ATP2A3: variants seen among roughly 807,000 people sequenced by gnomAD.
ATP2A3 encodes the protein ATPase sarcoplasmic/endoplasmic reticulum Ca2+ transporting 3.
A neutral mutation model predicts 106.8 loss-of-function variants in ATP2A3; 61 were observed. The observed-to-expected ratio is 0.57, with a 90% CI of 0.46 to 0.71. The LOEUF (loss-of-function observed/expected upper bound fraction) is 0.71, where lower values mean the gene tolerates loss of function less well. ATP2A3 is among the 30% of genes least tolerant of loss of function. The pLI, the probability that ATP2A3 is intolerant of heterozygous loss-of-function variation, is 0.00. For synonymous variants in ATP2A3, 611 were observed against 609.3 expected, an observed-to-expected ratio of 1.00 and a Z score of -0.04; for missense variants, 1,201 against 1,423.5, an observed-to-expected ratio of 0.84 and a Z score of 2.52.
In ATP2A3 at chr17:3,929,919, C is replaced by T. The variant is rs924903476; in HGVS notation, c.2744+382G>A. On this transcript the variant is annotated intron_variant, in intron 18 of 20. Coordinates refer to ENST00000397041, the MANE Select transcript of ATP2A3 (RefSeq NM_005173.4). This position sits in a 1 kb window ranked among gnomAD's most constrained non-coding sequence, Gnocchi z 4.3. ...ACCCTCTGATCCCAATCCTGAACCC[C>T]CCAAACATCAGACCCCAACCTGAAC... is the stretch of plus-strand genomic sequence containing the variant. 5.3e-5 allele frequency among the ~76,000 whole-genome samples: 8 copies of T among 151,568 alleles called. No individual in the cohort carries two copies. Among genetic ancestry groups the T allele is most frequent in the African/African-American group, 1.7e-4 (7 of 41,170 alleles).
In ATP2A3 at chr17:3,945,119, G is replaced by T; in HGVS notation, c.1125C>A (p.Gly375=). Residue 375 remains glycine (G), a synonymous_variant, in exon 9 of 21, where the codon GGC becomes GGA. Coordinates refer to ENST00000397041, the MANE Select transcript of ATP2A3 (RefSeq NM_005173.4). The part of the protein sequence containing the change: ...RMFVVAEADA[G]SCLLHEFTIS... ...TGGTGAACTCGTGCAAAAGGCAGGA[G>T]CCCGCATCGGCCTCGGCTACCACGA... 6.5e-7 allele frequency: 1 copy of T among 1,548,276 alleles called. No homozygotes were observed.
chr17:3,934,877 T>G (rs1279075830), intron 17 of ATP2A3: 3 of 362,692 alleles, frequency 8.3e-6, no homozygotes, highest in Non-Finnish European at 1.6e-5. Flanking sequence ...GTCCCACCAT[T>G]TAGGGGCTCA....
chr17:3,951,552 C>CCCCCCCCG, intron 4 of ATP2A3, 29 bp downstream of exon 4: 1 of 1,365,890 alleles, frequency 7.3e-7, no homozygotes, highest in Non-Finnish European at 1.0e-6. Context: ...GACCGCCCCC[C>CCCCCCCCG]GCCCGGTCCC....
chr17:3,958,473 A>T (rs932598462), intron 1 of ATP2A3, among the ~76,000 whole-genome samples: 7 of 152,014 alleles, frequency 4.6e-5, no homozygotes, highest in African/African-American at 1.7e-4. Flanking sequence ...CAGAATAAAG[A>T]CCAACTTTAG....
Position 3,944,892 on chromosome 17 carries a change from T to C in ATP2A3, c.1185-86A>G, listed in dbSNP as rs2054010830. The C allele has an allele frequency of 4.2e-6, 5 of 1,196,238 alleles. No homozygotes were observed. The South Asian group carries it at 5.4e-5, about 13-fold the overall frequency. 74.1% of individuals were successfully genotyped at this position (1,196,238 alleles called of 1,614,324 possible). On this transcript the variant is annotated intron_variant, in intron 9 of 20. Coordinates refer to ENST00000397041, the MANE Select transcript of ATP2A3 (RefSeq NM_005173.4). The stretch of plus-strand genomic sequence containing the variant: ...CTTGGCCCCGCCCCTAGGAGGGGGC[T>C]CCGCCTCTTGGCCCCGCCCCCAGAA...
In ATP2A3 at chr17:3,936,557, GCT is replaced by G; in HGVS notation, c.2322-90_2322-89del. The G allele has an allele frequency of 7.0e-7, 1 of 1,423,996 alleles. No individual in the cohort carries two copies. The highest frequency in any genetic ancestry group is 2.3e-5 in the East Asian group (1 of 43,428). 88.2% of individuals were successfully genotyped at this position (1,423,996 alleles called of 1,614,324 possible). A position where few individuals can be genotyped will look rare whatever the true frequency, so the allele number is the denominator to read the frequency against. On this transcript the variant is annotated intron_variant, in intron 15 of 20. Coordinates refer to ENST00000397041, the MANE Select transcript of ATP2A3 (RefSeq NM_005173.4). The surrounding 1 kb of genome is among the most constrained non-coding windows in gnomAD (Gnocchi z 5.4). ...CTCCTGCTCAGACCCAAGGCTGGGA[GCT>G]CACCCACCCACTGTCTCCACAGCAG...
chr17:3,949,753 TAGAACA>T (rs1597646031), intron 7 of ATP2A3, among the ~76,000 whole-genome samples: 1 of 152,218 alleles, frequency 6.6e-6, no homozygotes, highest in East Asian at 1.9e-4. Flanking sequence ...GTAAAGAGCT[TAGAACA>T]GTGCCAGGCA....
At position 3,937,440 on chromosome 17, in the gene ATP2A3, G is replaced by A; in HGVS notation, c.2297C>T (p.Ser766Phe). The change falls in exon 15 of 21, where the codon TCC (serine) becomes TTC (phenylalanine). Residue 766 changes from serine (S) to phenylalanine (F), a missense_variant. Ser to Phe is a radical substitution (Grantham distance 155, BLOSUM62 -2). This residue lies in a region of ATP2A3 where 935 missense variants were observed against 1,176.7 expected (regional missense o/e 0.79). Transcript: ENST00000397041. ...NMKQFIRYLISSNVGEVVCIF... is the reference protein window; with the variant it reads ...NMKQFIRYLIFSNVGEVVCIF... ...CCAGACGACCTCGCCAACATTGGAG[G>A]AGATGAGGTAGCGGATGAATTGCTT... 6.2e-7 allele frequency: 1 copy of A among 1,612,884 alleles called. No homozygotes were observed. The highest frequency in any genetic ancestry group is 8.5e-7 in the Non-Finnish European group (1 of 1,179,140).
Position 3,930,599 on chromosome 17 carries a change from G to A in ATP2A3, c.2611-165C>T. ...GATCCCGGGAGGGGTGCGGGGTCGG[G>A]GCGGCGGTGGGGAGAGCTGCACCGT... On this transcript the variant is annotated intron_variant, in intron 17 of 20. Transcript: ENST00000397041. This position sits in a 1 kb window ranked among gnomAD's most constrained non-coding sequence, Gnocchi z 5.4. 1 of 944,454 alleles carries A rather than the reference G, an allele frequency of 1.1e-6. No individual in the cohort carries two copies. Among genetic ancestry groups the A allele is most frequent in the South Asian group, 1.5e-5 (1 of 67,300 alleles). The allele number at this position is 944,454 out of a possible 1,614,324, so 58.5% of individuals were successfully genotyped here. A position where few individuals can be genotyped will look rare whatever the true frequency, so the allele number is the denominator to read the frequency against.
At chr17:3,944,476 C>A (rs1321210999) in intron 10 of ATP2A3, among the ~76,000 whole-genome samples, 2 of 152,188 alleles carry the variant, frequency 1.3e-5, no homozygotes, top group Non-Finnish European at 2.9e-5. Flanking sequence ...CCCTTCAGCC[C>A]CTTCCATGGC....
In ATP2A3 at chr17:3,924,986, C is replaced by A; in HGVS notation, c.*436G>T. ...GAGAGGTCAGAGCCGGTAAGAAGGA[C>A]CCCCAGAGTCCTCCGTCAGTGCAGA... On this transcript the variant is annotated 3_prime_UTR_variant, in exon 21 of 21. Transcript: ENST00000397041. This position sits in a 1 kb window ranked among gnomAD's most constrained non-coding sequence, Gnocchi z 6.4. 5.2e-6 allele frequency: 2 copies of A among 385,260 alleles called. No individual in the cohort carries two copies. The highest frequency in any genetic ancestry group is 1.3e-4 in the East Asian group (2 of 14,824). 23.9% of individuals were successfully genotyped at this position (385,260 alleles called of 1,614,324 possible). A position where few individuals can be genotyped will look rare whatever the true frequency, so the allele number is the denominator to read the frequency against.
rs1479703344 is a variant in ATP2A3 at position 3,944,790 on chromosome 17, G to C, written c.1201C>G (p.Pro401Ala). The part of the protein sequence containing the change: ...PEGEVRQGDQ[P>A]VRCGQFDGLV... ...CCGTCGAACTGGCCGCAGCGCACAGGCTGATCCCCCTGCCGCCTGCGGAGC... is the reference window on the plus strand; with the variant it reads ...CCGTCGAACTGGCCGCAGCGCACAGCCTGATCCCCCTGCCGCCTGCGGAGC... The change falls in exon 10 of 21, where the codon CCT becomes GCT. Residue 401 changes from proline (P) to alanine (A), a missense_variant. Pro to Ala is a conservative substitution (Grantham distance 27). Transcript: ENST00000397041. 6.2e-7 allele frequency: 1 copy of C among 1,611,468 alleles called. No individual in the cohort carries two copies. Among genetic ancestry groups the C allele is most frequent in the Non-Finnish European group, 8.5e-7 (1 of 1,179,066 alleles).
At chr17:3,933,974 A>G (rs973836354) in intron 17 of ATP2A3, among the ~76,000 whole-genome samples, 2 of 150,040 alleles carry the variant, frequency 1.3e-5, no homozygotes, top group Non-Finnish European at 2.9e-5. Context: ...CCCAGGCTCG[A>G]GTGCAGTGGT....
chr17:3,941,143 C>T lies in ATP2A3; in HGVS notation c.1928G>A (p.Gly643Glu). 1 of 1,614,134 alleles carries T rather than the reference C, an allele frequency of 6.2e-7. No homozygotes were observed. The highest frequency in any genetic ancestry group is 8.5e-7 in the Non-Finnish European group (1 of 1,180,000). ...CTTGCCCGCCACGTCTTCCGTGTCCCCAAAGATGCCAAGCCTGCGGCAGAT... is the reference window on the plus strand; with the variant it reads ...CTTGCCCGCCACGTCTTCCGTGTCCTCAAAGATGCCAAGCCTGCGGCAGAT... Reference protein sequence around the residue: ...VAICRRLGIFGDTEDVAGKAY... With the variant: ...VAICRRLGIFEDTEDVAGKAY... The change falls in exon 14 of 21, where the codon GGG becomes GAG. Residue 643 changes from glycine (G) to glutamate (E), a missense_variant. Gly to Glu is a moderately conservative substitution (Grantham distance 98, BLOSUM62 -2). This residue lies in a region of ATP2A3 where 935 missense variants were observed against 1,176.7 expected (regional missense o/e 0.79). Transcript: ENST00000397041.
In ATP2A3 at chr17:3,928,302, C is replaced by T; in HGVS notation, c.2980+361G>A. On this transcript the variant is annotated intron_variant, in intron 20 of 20. Transcript: ENST00000397041. This position sits in a 1 kb window ranked among gnomAD's most constrained non-coding sequence, Gnocchi z 6.1. ...GCCTACTCCAGGCCTGCGAGACTGT[C>T]CTGAGAAGGCCTGGATAAAGACAGG... 1 of 1,613,180 alleles carries T rather than the reference C, an allele frequency of 6.2e-7. No individual in the cohort carries two copies. Among genetic ancestry groups the T allele is most frequent in the Non-Finnish European group, 8.5e-7 (1 of 1,180,012 alleles).
At position 3,934,140 on chromosome 17, in the gene ATP2A3, T is replaced by C. The variant is rs558944684; in HGVS notation, c.2610+1052A>G. Among the ~76,000 whole-genome samples the C allele has an allele frequency of 2.5e-4, 38 of 151,974 alleles. 1 individual carries two copies. Among genetic ancestry groups the C allele is most frequent in the Non-Finnish European group, 4.7e-4 (32 of 68,004 alleles). ...GGTTTCACCATGTTGGTCAGGCTGG[T>C]CTTGAACTCCTGACCTCAAGTGATC... On this transcript the variant is annotated intron_variant, in intron 17 of 20. Coordinates refer to ENST00000397041, the MANE Select transcript of ATP2A3 (RefSeq NM_005173.4).
In ATP2A3 at chr17:3,947,362, A is replaced by C; in HGVS notation, c.1095+29T>G. ...GGGAGCCCAGCCTGCTCTGCAACGC[A>C]CAGCAACACCAAGCTGGCCGTCACT... On this transcript the variant is annotated intron_variant, in intron 8 of 20. Coordinates refer to ENST00000397041, the MANE Select transcript of ATP2A3 (RefSeq NM_005173.4). The surrounding 1 kb of genome is among the most constrained non-coding windows in gnomAD (Gnocchi z 7.7). 6.2e-7 allele frequency: 1 copy of C among 1,613,188 alleles called. No homozygotes were observed. Among genetic ancestry groups the C allele is most frequent in the Non-Finnish European group, 8.5e-7 (1 of 1,179,798 alleles).
At chr17:3,939,786 T>TTA (rs1555558101) in intron 14 of ATP2A3, among the ~76,000 whole-genome samples, 4,781 of 50,454 alleles carry the variant, frequency 0.095, 764 homozygotes, top group African/African-American at 0.24. Context: ...AGACTCTGTC[T>TTA]AAAAAAAAAA....
chr17:3,931,545 A>G (rs1409924104), intron 17 of ATP2A3, among the ~76,000 whole-genome samples: 2 of 149,204 alleles, frequency 1.3e-5, no homozygotes, highest in Admixed American at 6.7e-5. Context: ...TTTTTGAAAC[A>G]GAGTCTCGCT....
Sources: gnomAD v4.1 joint callset for allele counts (sites outside exome capture counted in the v4.1 genomes callset) on GRCh38, gnomAD v4.1.1 for gene constraint, gnomAD v4.1.1 regional missense constraint, Gnocchi (gnomAD v3.1) non-coding constraint, MANE v1.5 for transcripts, NCBI Gene and HGNC (gene_info 2026-07-23, HGNC 2026-07-21) for gene names.